Variants in TBC1D22B observed in about 807,000 individuals in gnomAD.
TBC1D22B encodes TBC1 domain family member 22B, also known as chromosome 6 open reading frame 197.
A neutral mutation model predicts 69.1 loss-of-function variants in TBC1D22B; 32 were observed. That is an observed-to-expected ratio of 0.46 (90% CI 0.35 to 0.62). The LOEUF (loss-of-function observed/expected upper bound fraction) is 0.62, where lower values mean the gene tolerates loss of function less well. TBC1D22B is among the 20% of genes least tolerant of loss of function. TBC1D22B has a pLI of 0.00. For synonymous variants in TBC1D22B, 206 were observed against 229.8 expected (o/e 0.90, Z 0.94); for missense variants, 462 against 630.9 (o/e 0.73, Z 2.87).
chr6:37,298,721 A>G (rs1767470235), intron 8 of TBC1D22B, among the ~76,000 whole-genome samples: 1 of 151,578 alleles, frequency 6.6e-6, no homozygotes, highest in African/African-American at 2.4e-5. Flanking sequence ...AATTTTTTGT[A>G]TTTTTAGGAA....
chr6:37,280,962 C>T (rs2008782), intron 3 of TBC1D22B, among the ~76,000 whole-genome samples: 23,632 of 148,332 alleles, frequency 0.16, 2,128 homozygotes, highest in African/African-American at 0.26. Flanking sequence ...CTAGTCCCCT[C>T]GTTACACTAG....
At chr6:37,274,545 C>T (rs546471772) in intron 2 of TBC1D22B, among the ~76,000 whole-genome samples, 2 of 152,174 alleles carry the variant, frequency 1.3e-5, no homozygotes, top group Non-Finnish European at 2.9e-5. Context: ...TTTCCATGAC[C>T]TTGGGCACAT....
chr6:37,298,161 G>A (rs1049497875), intron 8 of TBC1D22B, among the ~76,000 whole-genome samples: 7 of 151,918 alleles, frequency 4.6e-5, no homozygotes, highest in African/African-American at 7.3e-5. Context: ...AAACCTGCGC[G>A]TCCTACACAT....
chr6:37,290,743 A>G (rs1767152090), intron 7 of TBC1D22B, among the ~76,000 whole-genome samples: 1 of 152,152 alleles, frequency 6.6e-6, no homozygotes, highest in Non-Finnish European at 1.5e-5. Flanking sequence ...GCTGGGTTAG[A>G]ATTAAATCAA....
chr6:37,294,527 A>C (rs1767296819), intron 8 of TBC1D22B, among the ~76,000 whole-genome samples: 1 of 152,220 alleles, frequency 6.6e-6, no homozygotes, highest in South Asian at 2.1e-4. Flanking sequence ...TCTGGCTTCA[A>C]AGGACAGGCT....
intron 8 of TBC1D22B, among the ~76,000 whole-genome samples, chr6:37,298,235 C>T (rs1408641053): frequency 6.6e-6 from 1 of 152,038 alleles, no homozygotes; most frequent in East Asian, 1.9e-4. Context: ...TGTTAACAAA[C>T]ACACACCCAC....
At chr6:37,285,385 C>T (rs966122472) in intron 6 of TBC1D22B, among the ~76,000 whole-genome samples, 17 of 116,508 alleles carry the variant, frequency 1.5e-4, no homozygotes, top group African/African-American at 5.0e-4. Flanking sequence ...AGTGCAGTGG[C>T]GTGATCTTGG....
At chr6:37,305,524 T>TA (rs1767685795) in intron 8 of TBC1D22B, among the ~76,000 whole-genome samples, 1 of 2,476 alleles carries the variant, frequency 4.0e-4, no homozygotes, top group African/African-American at 1.3e-3. Context: ...GCCTATTTCC[T>TA]TTTTTTTTTT....
intron 12 of TBC1D22B, among the ~76,000 whole-genome samples, chr6:37,319,078 G>C (rs1422442537): frequency 6.6e-6 from 1 of 152,212 alleles, no homozygotes; most frequent in African/African-American, 2.4e-5. Flanking sequence ...CAAAAGAACA[G>C]AAGACTATTT....
intron 8 of TBC1D22B, among the ~76,000 whole-genome samples, chr6:37,296,479 G>A (rs895113954): frequency 1.3e-5 from 2 of 152,058 alleles, no homozygotes; most frequent in African/African-American, 2.4e-5. Context: ...GTCCTGGATA[G>A]TTGGGACTAC....
intron 8 of TBC1D22B, among the ~76,000 whole-genome samples, chr6:37,292,034 G>C (rs1767201725): frequency 6.6e-6 from 1 of 152,172 alleles, no homozygotes; most frequent in Admixed American, 6.5e-5. Flanking sequence ...TGCTGAGAGA[G>C]TCACAGGAAA....
At chr6:37,269,754 C>T in intron 2 of TBC1D22B, 104 bp downstream of exon 2, 1 of 1,089,868 alleles carries the variant, frequency 9.2e-7, no homozygotes, top group Non-Finnish European at 1.4e-6. Context: ...TTTAGCGTCT[C>T]TTCTGCCCTA....
At chr6:37,265,612 A>G (rs1201919284) in intron 1 of TBC1D22B, among the ~76,000 whole-genome samples, 2 of 149,608 alleles carry the variant, frequency 1.3e-5, no homozygotes, top group Non-Finnish European at 3.0e-5. Context: ...TTACTCTTTG[A>G]TTCCTCTTTT....
chr6:37,262,045 T>G, intron 1 of TBC1D22B, among the ~76,000 whole-genome samples: 1 of 149,450 alleles, frequency 6.7e-6, no homozygotes, highest in African/African-American at 2.5e-5. Context: ...TTTTTTTTTT[T>G]TTTGAGATGG....
At chr6:37,265,153 C>G (rs1158163519) in intron 1 of TBC1D22B, among the ~76,000 whole-genome samples, 2 of 152,166 alleles carry the variant, frequency 1.3e-5, no homozygotes, top group African/African-American at 4.8e-5. Context: ...GGCCCTGATA[C>G]CTTTGCTGAT....
At chr6:37,307,296 AT>A (rs966454933) in intron 8 of TBC1D22B, among the ~76,000 whole-genome samples, 1 of 149,456 alleles carries the variant, frequency 6.7e-6, no homozygotes, top group Non-Finnish European at 1.5e-5. Context: ...GGTCAAAAAT[AT>A]TTTTTTATTT....
chr6:37,293,517 G>A (rs1187042182), intron 8 of TBC1D22B, among the ~76,000 whole-genome samples: 3 of 152,106 alleles, frequency 2.0e-5, no homozygotes, highest in Non-Finnish European at 4.4e-5. Context: ...TGTGTGTTCT[G>A]ATTGCTCCAC....
At chr6:37,261,230 G>A (rs948116229) in intron 1 of TBC1D22B, among the ~76,000 whole-genome samples, 1 of 151,960 alleles carries the variant, frequency 6.6e-6, no homozygotes, top group Non-Finnish European at 1.5e-5. Flanking sequence ...CCAGGAGTCC[G>A]AGACCAGCCT....
intron 6 of TBC1D22B, 147 bp downstream of exon 6, chr6:37,284,611 C>T (rs970906166): frequency 1.4e-5 from 13 of 950,800 alleles, no homozygotes; most frequent in Non-Finnish European, 1.9e-5. Context: ...ACTGTTTCCC[C>T]TCTTTTCATT....
Sources: allele counts gnomAD v4.1 joint callset (sites outside exome capture counted in the v4.1 genomes callset), GRCh38; gene constraint gnomAD v4.1.1; transcripts MANE v1.5; gene names NCBI Gene and HGNC (gene_info 2026-07-23, HGNC 2026-07-21).